MGAT5: variants seen among roughly 807,000 people sequenced by gnomAD.
MGAT5 encodes alpha-1,6-mannosylglycoprotein 6-beta-N-acetylglucosaminyltransferase, also known as alpha-1,6-mannosylglycoprotein 6-beta-N-acetylglucosaminyltransferase A.
In MGAT5, 30 loss-of-function variants were observed where a neutral mutation model predicts 94.3. The ratio of observed to expected loss-of-function variants is 0.32; its 90% CI spans 0.24 to 0.43. The LOEUF is 0.43. Ranked by LOEUF, MGAT5 falls within the 20% of genes least tolerant of loss-of-function variation. MGAT5 has a pLI of 1.00. For missense variants in MGAT5, 691 were observed against 905.5 expected (o/e 0.76, Z 3.04); for synonymous variants, 310 against 322.9 (o/e 0.96, Z 0.43).
At chr2:134,335,889 G>A (rs997061327) in intron 4 of MGAT5, among the ~76,000 whole-genome samples, 5 of 152,138 alleles carry the variant, frequency 3.3e-5, no homozygotes, top group Admixed American at 6.6e-5. Context: ...CAATGTTTCA[G>A]TCTTTTAACT....
intron 2 of MGAT5, among the ~76,000 whole-genome samples, chr2:134,306,318 A>G (rs1420231282): frequency 6.6e-6 from 1 of 152,200 alleles, no homozygotes; most frequent in Non-Finnish European, 1.5e-5. Context: ...TATCCAAACT[A>G]TATTACAAAC....
chr2:134,293,562 A>G (rs1388441001), intron 2 of MGAT5, among the ~76,000 whole-genome samples: 1 of 151,992 alleles, frequency 6.6e-6, no homozygotes, highest in African/African-American at 2.4e-5. Context: ...TCTGCCCACC[A>G]GGCTCAAGTG....
intron 1 of MGAT5, among the ~76,000 whole-genome samples, chr2:134,224,511 C>A (rs1454432929): frequency 6.6e-6 from 1 of 152,126 alleles, no homozygotes; most frequent in Non-Finnish European, 1.5e-5. Context: ...ATATTAGGAT[C>A]TCCGGCCTGG....
intron 2 of MGAT5, among the ~76,000 whole-genome samples, chr2:134,291,628 C>T (rs1256974477): frequency 1.3e-5 from 2 of 152,106 alleles, no homozygotes; most frequent in Admixed American, 6.5e-5. Flanking sequence ...TTCCTTAGCA[C>T]GTTCATAGGG....
At chr2:134,389,978 C>A (rs1682297992) in intron 10 of MGAT5, among the ~76,000 whole-genome samples, 1 of 152,196 alleles carries the variant, frequency 6.6e-6, no homozygotes, top group South Asian at 2.1e-4. Context: ...GTGGTTTCAT[C>A]ACTTTTTCCC....
chr2:134,165,718 T>C (rs1000456207), intron 1 of MGAT5, among the ~76,000 whole-genome samples: 1 of 151,616 alleles, frequency 6.6e-6, no homozygotes, highest in Non-Finnish European at 1.5e-5. Context: ...GAGCTTGCAG[T>C]GAGCTGAGAT....
At chr2:134,400,024 A>G (rs1682943634) in intron 10 of MGAT5, among the ~76,000 whole-genome samples, 1 of 152,234 alleles carries the variant, frequency 6.6e-6, no homozygotes, top group African/African-American at 2.4e-5. Flanking sequence ...GAGCCCCTTG[A>G]TGGCAAGAAC....
chr2:134,355,054 A>G (rs1389451481), intron 9 of MGAT5, among the ~76,000 whole-genome samples: 1 of 152,038 alleles, frequency 6.6e-6, no homozygotes. Context: ...TCCCGACCAT[A>G]TTCCTCCCCA....
intron 2 of MGAT5, among the ~76,000 whole-genome samples, chr2:134,291,941 C>A (rs1685391351): frequency 6.6e-6 from 1 of 152,144 alleles, no homozygotes; most frequent in Admixed American, 6.5e-5. Context: ...CTGGAACTTT[C>A]CGTGACTGTT....
Position 134,228,064 on chromosome 2 carries a change from T to A in MGAT5, c.-142-26198T>A, listed in dbSNP as rs139119561. Among the ~76,000 whole-genome samples the A allele has an allele frequency of 9.8e-3, 1,486 of 152,294 alleles. 10 individuals carry two copies. Among genetic ancestry groups the A allele is most frequent in the Admixed American group, 0.016 (250 of 15,304 alleles). On this transcript the variant is annotated intron_variant, in intron 1 of 16. Coordinates refer to the MGAT5 transcript ENST00000409645. ...GGACAAATTTTTACAGAAGGAGCAA[T>A]CTTTTTGATAAAAGAGGAAAGGTGG...
At chr2:134,138,961 T>C (rs1434444134) in intron 1 of MGAT5, among the ~76,000 whole-genome samples, 1 of 152,238 alleles carries the variant, frequency 6.6e-6, no homozygotes, top group Non-Finnish European at 1.5e-5. Flanking sequence ...TTGTGCCTAC[T>C]TTCCATTACA....
chr2:134,189,602 G>GTTTTTTTTTTTGTTTTT lies in MGAT5; in HGVS notation c.-142-64649_-142-64648insGTTTTTTTTTTTTTTTT, dbSNP rs1689242328. Among the ~76,000 whole-genome samples the GTTTTTTTTTTTGTTTTT allele has an allele frequency of 9.4e-5, 8 of 84,670 alleles. 1 individual carries two copies. The highest frequency in any genetic ancestry group is 3.8e-4 in the Admixed American group (3 of 7,980). 55.5% of individuals were successfully genotyped at this position (84,670 alleles called of 152,430 possible). The stretch of plus-strand genomic sequence containing the variant: ...AACCTCATGGCTCTAGTTTTTTTTT[G>GTTTTTTTTTTTGTTTTT]TTTTTTTTTTTTTTTTTTAAGACAG... On this transcript the variant is annotated intron_variant, in intron 1 of 16. Coordinates refer to the MGAT5 transcript ENST00000409645.
intron 1 of MGAT5, among the ~76,000 whole-genome samples, chr2:134,224,359 T>C (rs1573557974): frequency 6.6e-6 from 1 of 152,334 alleles, no homozygotes; most frequent in East Asian, 1.9e-4. Context: ...GTATGTCTTC[T>C]GGAAGACAGG....
intron 10 of MGAT5, among the ~76,000 whole-genome samples, chr2:134,381,395 T>C (rs1681577683): frequency 1.2e-5 from 1 of 80,666 alleles, no homozygotes; most frequent in Non-Finnish European, 2.7e-5. Context: ...GATAGATAGA[T>C]AGATAGATAG....
At chr2:134,236,102 A>C (rs973451639) in intron 1 of MGAT5, among the ~76,000 whole-genome samples, 1 of 152,220 alleles carries the variant, frequency 6.6e-6, no homozygotes, top group African/African-American at 2.4e-5. Flanking sequence ...TTTTATGGGC[A>C]TACAAAACCA....
intron 1 of MGAT5, among the ~76,000 whole-genome samples, chr2:134,260,732 G>A (rs1456488569): frequency 6.9e-6 from 1 of 144,300 alleles, no homozygotes; most frequent in African/African-American, 2.6e-5. Context: ...GGCTGGGACT[G>A]TTGTGGGATA....
intron 9 of MGAT5, among the ~76,000 whole-genome samples, chr2:134,358,128 C>A (rs1275046301): frequency 6.6e-6 from 1 of 150,866 alleles, no homozygotes; most frequent in Non-Finnish European, 1.5e-5. Flanking sequence ...CTAGATTCTA[C>A]AATTAACCAT....
chr2:134,411,945 T>C (rs1369122392), intron 11 of MGAT5, among the ~76,000 whole-genome samples: 1 of 152,128 alleles, frequency 6.6e-6, no homozygotes, highest in Non-Finnish European at 1.5e-5. Context: ...TTTATGTGGG[T>C]AGAGAGGACA....
At chr2:134,298,976 G>T (rs555510444) in intron 2 of MGAT5, among the ~76,000 whole-genome samples, 1 of 152,306 alleles carries the variant, frequency 6.6e-6, no homozygotes, top group Admixed American at 6.5e-5. Context: ...CTGCTTTCTT[G>T]TGAAAGTTAG....
Sources: gnomAD v4.1 joint callset for allele counts (sites outside exome capture counted in the v4.1 genomes callset) on GRCh38, gnomAD v4.1.1 for gene constraint, MANE v1.5 for transcripts, NCBI Gene and HGNC (gene_info 2026-07-23, HGNC 2026-07-21) for gene names.